The following CDH13 variants were observed in gnomAD, a reference collection of about 807,000 sequenced individuals.
CDH13 encodes the protein cadherin 13.
CDH13 carries 24 observed loss-of-function variants against 63.8 expected under a neutral mutation model. The observed-to-expected ratio is 0.38, with a 90% CI of 0.27 to 0.53. The LOEUF is 0.53. Ranked by LOEUF, CDH13 falls within the 20% of genes least tolerant of loss-of-function variation. CDH13 has a pLI of 0.85. For synonymous variants in CDH13, 503 were observed against 355.3 expected (o/e 1.42, Z -4.67); for missense variants, 1,049 against 903.1 (o/e 1.16, Z -2.07).
chr16:82,818,729 C>G (rs979393872), intron 1 of CDH13, among the ~76,000 whole-genome samples: 1 of 152,200 alleles, frequency 6.6e-6, no homozygotes, highest in Admixed American at 6.5e-5. Flanking sequence ...CATCTGGCCA[C>G]AGGCATCTCT....
chr16:83,236,040 A>G (rs931968478), intron 5 of CDH13, among the ~76,000 whole-genome samples: 1 of 152,166 alleles, frequency 6.6e-6, no homozygotes, highest in Non-Finnish European at 1.5e-5. Flanking sequence ...TGCGTTTAAG[A>G]TATTTAACTT....
chr16:83,019,902 TTTA>T (rs1915190080), intron 2 of CDH13, among the ~76,000 whole-genome samples: 1 of 151,858 alleles, frequency 6.6e-6, no homozygotes, highest in South Asian at 2.1e-4. Flanking sequence ...AGCATAGTTG[TTTA>T]TTATCATTAC....
At chr16:82,989,696 G>T (rs1248439927) in intron 2 of CDH13, among the ~76,000 whole-genome samples, 1 of 152,156 alleles carries the variant, frequency 6.6e-6, no homozygotes, top group Non-Finnish European at 1.5e-5. Flanking sequence ...GCAGGGTATT[G>T]CCTGCTTCTG....
At chr16:82,816,814 G>C (rs1332805069) in intron 1 of CDH13, among the ~76,000 whole-genome samples, 2 of 119,898 alleles carry the variant, frequency 1.7e-5, no homozygotes, top group East Asian at 6.2e-4. Flanking sequence ...GGGGGGCGGG[G>C]GGTGGGGGGG....
At chr16:83,743,768 C>CTTTTTCTTTTTT (rs57379661) in intron 10 of CDH13, among the ~76,000 whole-genome samples, 1 of 106,076 alleles carries the variant, frequency 9.4e-6, no homozygotes, top group African/African-American at 3.7e-5. Flanking sequence ...TTTTTTTTTT[C>CTTTTTCTTTTTT]TTTGCTTTTT....
chr16:83,004,771 G>C (rs576929402), intron 2 of CDH13, among the ~76,000 whole-genome samples: 1 of 152,304 alleles, frequency 6.6e-6, no homozygotes, highest in African/African-American at 2.4e-5. Flanking sequence ...GGGATTACAG[G>C]AGTGAGCTAC....
chr16:83,013,653 C>T (rs1914385514), intron 2 of CDH13, among the ~76,000 whole-genome samples: 1 of 152,176 alleles, frequency 6.6e-6, no homozygotes, highest in Non-Finnish European at 1.5e-5. Context: ...TTGTCTATTC[C>T]TCAGAGTTAG....
intron 1 of CDH13, among the ~76,000 whole-genome samples, chr16:82,672,409 C>G (rs1294450210): frequency 6.6e-6 from 1 of 152,090 alleles, no homozygotes; most frequent in Non-Finnish European, 1.5e-5. Context: ...ACCTTAAACT[C>G]GGTACATCTA....
At chr16:82,943,610 T>C (rs1323276743) in intron 2 of CDH13, among the ~76,000 whole-genome samples, 1 of 152,220 alleles carries the variant, frequency 6.6e-6, no homozygotes, top group African/African-American at 2.4e-5. Flanking sequence ...GCAATATCTG[T>C]GGATAAAACC....
intron 2 of CDH13, among the ~76,000 whole-genome samples, chr16:83,015,826 T>C (rs1482047740): frequency 6.7e-6 from 1 of 150,276 alleles, no homozygotes; most frequent in African/African-American, 2.4e-5. Flanking sequence ...ATCACAGTAA[T>C]GTACTTGAGA....
Position 83,745,410 on chromosome 16 carries a change from G to A in CDH13, c.1539-2698G>A, listed in dbSNP as rs74034808. 2.4e-3 allele frequency among the ~76,000 whole-genome samples: 365 copies of A among 152,290 alleles called. 1 individual carries two copies. Among genetic ancestry groups the A allele is most frequent in the African/African-American group, 8.5e-3 (355 of 41,546 alleles). ...CTCTGTGTGAATTAAATTTACAACAGCGCTGTATCAGAGCATCTGTCAATG... is the reference window on the plus strand; with the variant it reads ...CTCTGTGTGAATTAAATTTACAACAACGCTGTATCAGAGCATCTGTCAATG... On this transcript the variant is annotated intron_variant, in intron 10 of 13. Coordinates refer to ENST00000567109, the MANE Select transcript of CDH13 (RefSeq NM_001257.5).
chr16:82,661,430 G>A (rs1173031939), intron 1 of CDH13, among the ~76,000 whole-genome samples: 1 of 152,232 alleles, frequency 6.6e-6, no homozygotes, highest in Non-Finnish European at 1.5e-5. Flanking sequence ...ATATTAATGA[G>A]ATGTTATTGT....
chr16:82,838,009 ACT>A (rs1363675445), intron 1 of CDH13, among the ~76,000 whole-genome samples: 2 of 151,912 alleles, frequency 1.3e-5, no homozygotes, highest in Non-Finnish European at 2.9e-5. Flanking sequence ...GCCCCTACTA[ACT>A]CTCTGGCTTC....
chr16:83,243,935 A>C (rs1431982333), intron 5 of CDH13, among the ~76,000 whole-genome samples: 2 of 152,198 alleles, frequency 1.3e-5, no homozygotes, highest in African/African-American at 2.4e-5. Flanking sequence ...CTTCTTCATT[A>C]ACTATGAAGC....
At chr16:83,275,679 C>T (rs1597643366) in intron 5 of CDH13, among the ~76,000 whole-genome samples, 2 of 151,666 alleles carry the variant, frequency 1.3e-5, no homozygotes, top group South Asian at 2.1e-4. Flanking sequence ...AAGGGGGGGC[C>T]TGCTTTGTCA....
rs146775983 is a variant in CDH13 at position 82,670,254 on chromosome 16, C to T, written c.45+43117C>T. 4.0e-3 allele frequency among the ~76,000 whole-genome samples: 607 copies of T among 152,302 alleles called. 7 individuals are homozygous for T. The highest frequency in any genetic ancestry group is 0.014 in the African/African-American group (562 of 41,556). ...CAAATCCCTAGTCGGAACATTTGAACATCATCTAGAGGGATCAGGAAATAA... is the reference window on the plus strand; with the variant it reads ...CAAATCCCTAGTCGGAACATTTGAATATCATCTAGAGGGATCAGGAAATAA... On this transcript the variant is annotated intron_variant, in intron 1 of 13. Transcript: ENST00000567109.
chr16:83,390,612 C>T (rs1014066723), intron 6 of CDH13, among the ~76,000 whole-genome samples: 3 of 152,102 alleles, frequency 2.0e-5, no homozygotes, highest in African/African-American at 7.2e-5. Flanking sequence ...TGCCTCCAAG[C>T]CAGGAGTCCT....
chr16:83,759,413 A>C (rs7203154), intron 11 of CDH13, among the ~76,000 whole-genome samples: 13 of 151,982 alleles, frequency 8.6e-5, no homozygotes, highest in African/African-American at 3.1e-4. Context: ...ATTACAGATC[A>C]AAATATAGAA....
chr16:83,063,536 T>C (rs2036096493), intron 3 of CDH13, among the ~76,000 whole-genome samples: 1 of 152,176 alleles, frequency 6.6e-6, no homozygotes. Context: ...GCAATAGAGA[T>C]GGACAGAGAT....
Sources: allele counts gnomAD v4.1 joint callset (sites outside exome capture counted in the v4.1 genomes callset), GRCh38; gene constraint gnomAD v4.1.1; transcripts MANE v1.5; gene names NCBI Gene and HGNC (gene_info 2026-07-23, HGNC 2026-07-21).